The following VEPH1 variants were observed in gnomAD, a reference collection of about 807,000 sequenced individuals.
The protein encoded by VEPH1 is ventricular zone expressed PH domain containing 1.
In VEPH1, 80 loss-of-function variants were observed where a neutral mutation model predicts 85.2. The observed-to-expected ratio is 0.94, with a 90% CI of 0.78 to 1.13. VEPH1 has a LOEUF of 1.13. VEPH1 is among the 50% of genes most tolerant of loss of function. The probability of loss-of-function intolerance (pLI) is 0.00; values close to 1 mark genes in which losing one functional copy is unlikely to be tolerated. For synonymous variants in VEPH1, 297 were observed against 348.0 expected, an observed-to-expected ratio of 0.85 and a Z score of 1.63; for missense variants, 955 against 980.5, an observed-to-expected ratio of 0.97 and a Z score of 0.35.
rs924074080 is a variant in VEPH1 at position 157,503,413 on chromosome 3, T to G, written c.-294A>C. On this transcript the variant is annotated 5_prime_UTR_variant, in exon 1 of 14. Transcript: ENST00000362010. ...CCCAGTCCTGTGGGCTGCAGCCGCG[T>G]CTCCCTGAGCTGCCTGTCAAGCCAG... is the stretch of plus-strand genomic sequence containing the variant. The G allele has an allele frequency of 6.6e-6, 1 of 152,142 alleles. No homozygotes were observed. The highest frequency in any genetic ancestry group is 6.5e-5 in the Admixed American group (1 of 15,282). The allele number at this position is 152,142 out of a possible 1,614,324, so 9.4% of individuals were successfully genotyped here.
chr3:157,327,516 G>C (rs143685507), intron 9 of VEPH1, among the ~76,000 whole-genome samples: 1 of 152,192 alleles, frequency 6.6e-6, no homozygotes, highest in Non-Finnish European at 1.5e-5. Context: ...AGTAATCATG[G>C]AGAATAAAAC....
intron 9 of VEPH1, among the ~76,000 whole-genome samples, chr3:157,342,464 C>T (rs1305779438): frequency 6.6e-6 from 1 of 152,210 alleles, no homozygotes; most frequent in Admixed American, 6.5e-5. Flanking sequence ...ATCAATTCAA[C>T]AAGAAGAGCT....
At chr3:157,470,551 A>T (rs769489571) in intron 2 of VEPH1, 22 bp from the exon 3 acceptor site, 2 of 1,605,264 alleles carry the variant, frequency 1.2e-6, no homozygotes, top group Admixed American at 3.3e-5. Flanking sequence ...GAAAATCTTC[A>T]TGTTAAATAA....
chr3:157,309,092 A>G (rs930942167), intron 11 of VEPH1, among the ~76,000 whole-genome samples: 9 of 149,790 alleles, frequency 6.0e-5, no homozygotes, highest in South Asian at 2.1e-4. Flanking sequence ...TGTTGTTGTT[A>G]TTATTATTAT....
chr3:157,329,214 A>G (rs1722246110), intron 9 of VEPH1, among the ~76,000 whole-genome samples: 1 of 152,170 alleles, frequency 6.6e-6, no homozygotes, highest in South Asian at 2.1e-4. Context: ...TTTATCGTAT[A>G]ACTGAATGAG....
intron 2 of VEPH1, among the ~76,000 whole-genome samples, chr3:157,488,295 C>G (rs1738846075): frequency 1.3e-5 from 2 of 152,096 alleles, no homozygotes; most frequent in Admixed American, 6.6e-5. Context: ...TAACTCCAAT[C>G]TGGCTTTCAG....
At chr3:157,472,754 A>G (rs376340771) in intron 2 of VEPH1, among the ~76,000 whole-genome samples, 5 of 152,252 alleles carry the variant, frequency 3.3e-5, no homozygotes, top group African/African-American at 1.2e-4. Flanking sequence ...TCCCACTTAA[A>G]GTGACAACAC....
At chr3:157,501,127 G>T (rs1376447842) in intron 1 of VEPH1, among the ~76,000 whole-genome samples, 3 of 152,114 alleles carry the variant, frequency 2.0e-5, no homozygotes, top group Non-Finnish European at 4.4e-5. Context: ...ACTAAATTGG[G>T]TTCACAGAGC....
At position 157,440,310 on chromosome 3, in the gene VEPH1, A is replaced by T. The variant is rs1449103585; in HGVS notation, c.530-11822T>A. ...ACTTTTATATGATTATCTGAATGCCAATATTTTATTTGACTATCCCTAACA... is the reference window on the plus strand; with the variant it reads ...ACTTTTATATGATTATCTGAATGCCTATATTTTATTTGACTATCCCTAACA... On this transcript the variant is annotated intron_variant, in intron 4 of 13. Transcript: ENST00000362010. 1.5e-4 allele frequency among the ~76,000 whole-genome samples: 23 copies of T among 152,212 alleles called. 1 individual carries two copies. The highest frequency in any genetic ancestry group is 1.5e-3 in the Admixed American group (23 of 15,280).
chr3:157,413,056 G>A (rs1484476094), intron 6 of VEPH1, among the ~76,000 whole-genome samples: 1 of 152,050 alleles, frequency 6.6e-6, no homozygotes, highest in African/African-American at 2.4e-5. Context: ...CCTTTTAAAA[G>A]TTGGACAATT....
chr3:157,314,238 CAGG>C (rs1221720517), intron 10 of VEPH1, among the ~76,000 whole-genome samples: 86 of 142,038 alleles, frequency 6.1e-4, no homozygotes, highest in African/African-American at 2.1e-3. Flanking sequence ...GAGGCTGAGG[CAGG>C]AGAATTGCTT....
chr3:157,491,566 C>T (rs1434984212), intron 2 of VEPH1, among the ~76,000 whole-genome samples: 1 of 152,050 alleles, frequency 6.6e-6, no homozygotes, highest in Non-Finnish European at 1.5e-5. Context: ...AAAAAGAGGA[C>T]ATGGACTGGA....
chr3:157,307,114 T>C (rs1233556078), intron 11 of VEPH1, among the ~76,000 whole-genome samples: 1 of 152,006 alleles, frequency 6.6e-6, no homozygotes, highest in African/African-American at 2.4e-5. Flanking sequence ...ATGATCAGCT[T>C]TAAATGGAAT....
At chr3:157,284,529 T>C (rs1364023809) in intron 12 of VEPH1, among the ~76,000 whole-genome samples, 3 of 152,140 alleles carry the variant, frequency 2.0e-5, no homozygotes, top group African/African-American at 7.2e-5. Flanking sequence ...GCAAATACTG[T>C]CTCCATGAAA....
intron 11 of VEPH1, among the ~76,000 whole-genome samples, chr3:157,302,894 A>G (rs1577286973): frequency 2.7e-5 from 4 of 147,352 alleles, no homozygotes; most frequent in Middle Eastern, 3.4e-3. Flanking sequence ...GGTAGGTGTG[A>G]CCATCCACTG....
At chr3:157,383,123 C>A (rs1030957060) in intron 6 of VEPH1, among the ~76,000 whole-genome samples, 8 of 152,128 alleles carry the variant, frequency 5.3e-5, no homozygotes, top group Non-Finnish European at 1.2e-4. Flanking sequence ...GCCACCGTGT[C>A]CAGCCAAAAA....
chr3:157,463,784 C>T, intron 3 of VEPH1, among the ~76,000 whole-genome samples: 1 of 152,150 alleles, frequency 6.6e-6, no homozygotes, highest in Non-Finnish European at 1.5e-5. Flanking sequence ...TAGGGTATCC[C>T]TTTCACATTT....
chr3:157,300,383 G>C (rs967579050), intron 11 of VEPH1, among the ~76,000 whole-genome samples: 10 of 152,126 alleles, frequency 6.6e-5, no homozygotes, highest in African/African-American at 2.4e-4. Flanking sequence ...CTGGCTAACT[G>C]TGAAGGAATG....
intron 6 of VEPH1, among the ~76,000 whole-genome samples, chr3:157,399,514 A>C (rs1170840818): frequency 6.6e-6 from 1 of 152,120 alleles, no homozygotes; most frequent in Non-Finnish European, 1.5e-5. Flanking sequence ...TTCTGAAGTA[A>C]AAATATTGCA....
Sources: gnomAD v4.1 joint callset for allele counts (sites outside exome capture counted in the v4.1 genomes callset) on GRCh38, gnomAD v4.1.1 for gene constraint, MANE v1.5 for transcripts, NCBI Gene and HGNC (gene_info 2026-07-23, HGNC 2026-07-21) for gene names.